The following MOV10L1 variants were observed in gnomAD, a reference collection of about 807,000 sequenced individuals.
MOV10L1 encodes Mov10 like RNA helicase 1, also known as RNA helicase Mov10l1.
Under a neutral mutation model 143.8 loss-of-function variants are expected in MOV10L1, and 110 were observed. The observed-to-expected ratio is 0.76, with a 90% CI of 0.66 to 0.90. The LOEUF (loss-of-function observed/expected upper bound fraction) is 0.90, where lower values mean the gene tolerates loss of function less well. Among genes scored for constraint, MOV10L1 ranks in the 40% least tolerant of loss-of-function variants. The probability of loss-of-function intolerance (pLI) is 0.00; values close to 1 mark genes in which losing one functional copy is unlikely to be tolerated. For missense variants in MOV10L1, 1,406 were observed against 1,526.8 expected, an observed-to-expected ratio of 0.92 and a Z score of 1.32; for synonymous variants, 593 against 581.1, an observed-to-expected ratio of 1.02 and a Z score of -0.29.
chr22:50,100,227 A>G (rs189739396), intron 3 of MOV10L1, among the ~76,000 whole-genome samples: 3 of 152,122 alleles, frequency 2.0e-5, no homozygotes, highest in Admixed American at 1.3e-4. Context: ...TCTTGACCTT[A>G]GGTGATCCAC....
chr22:50,146,879 T>A lies in MOV10L1; in HGVS notation c.2627+1069T>A. 4 of 529,466 alleles carry A rather than the reference T, an allele frequency of 7.6e-6. 1 individual carries two copies. In the South Asian group the frequency reaches 8.4e-5, roughly 11 times the overall value. The allele number at this position is 529,466 out of a possible 1,614,324, so 32.8% of individuals were successfully genotyped here. ...AACGTGATTGATGAGACACTTTACA[T>A]TTTTTTTGGTTCAAGTCTTCAAAAT... is the stretch of plus-strand genomic sequence containing the variant. On this transcript the variant is annotated intron_variant, in intron 19 of 26. Transcript: ENST00000262794.
At chr22:50,130,463 G>T (rs1162131323) in intron 13 of MOV10L1, among the ~76,000 whole-genome samples, 1 of 152,156 alleles carries the variant, frequency 6.6e-6, no homozygotes, top group Non-Finnish European at 1.5e-5. Context: ...GACTACGGGG[G>T]AATGGAGAAA....
At chr22:50,148,562 T>A (rs1161931549) in intron 19 of MOV10L1, among the ~76,000 whole-genome samples, 2 of 152,080 alleles carry the variant, frequency 1.3e-5, no homozygotes, top group Admixed American at 6.5e-5. Context: ...GCCGGACAGG[T>A]ACCCGCCAGG....
Position 50,145,780 on chromosome 22 carries a change from G to A in MOV10L1, c.2597G>A (p.Ser866Asn). Residue 866 changes from serine to asparagine, a missense_variant, in exon 19 of 27, where the codon AGC becomes AAC. By Grantham distance (46) the Ser-to-Asn change is conservative. This residue lies in a region of MOV10L1 where 1,233 missense variants were observed against 1,351.4 expected (regional missense o/e 0.91). Transcript: ENST00000262794. ...RFRIIITTCS[S>N]SGLFYQIGVR... is the part of the protein sequence containing the mutation. ...CGGATAATCATCACCACATGCAGCA[G>A]CTCAGGGCTGTTTTACCAAATAGGA... 1 of 1,614,114 alleles carries A rather than the reference G, an allele frequency of 6.2e-7. No homozygotes were observed. The highest frequency in any genetic ancestry group is 8.5e-7 in the Non-Finnish European group (1 of 1,180,020).
At chr22:50,129,742 G>T (rs2062618867) in intron 13 of MOV10L1, among the ~76,000 whole-genome samples, 1 of 152,194 alleles carries the variant, frequency 6.6e-6, no homozygotes, top group Non-Finnish European at 1.5e-5. Context: ...TGGTAGGTGT[G>T]TAATGCATCT....
intron 19 of MOV10L1, chr22:50,146,872 C>A: frequency 1.7e-6 from 1 of 581,170 alleles, no homozygotes; most frequent in Non-Finnish European, 3.1e-6. Flanking sequence ...TGATGAGACA[C>A]TTTACATTTT....
chr22:50,154,104 G>T (rs1339901134), intron 22 of MOV10L1, among the ~76,000 whole-genome samples: 1 of 152,196 alleles, frequency 6.6e-6, no homozygotes, highest in African/African-American at 2.4e-5. Flanking sequence ...CGGCTGTGAG[G>T]TTCTCACATT....
At chr22:50,136,786 T>A (rs1036949297) in intron 15 of MOV10L1, among the ~76,000 whole-genome samples, 4 of 152,130 alleles carry the variant, frequency 2.6e-5, no homozygotes, top group Non-Finnish European at 4.4e-5. Flanking sequence ...CATTGATCAG[T>A]GCATGATGTG....
chr22:50,104,794 CTTA>C (rs1327471300), intron 3 of MOV10L1, among the ~76,000 whole-genome samples: 4 of 151,612 alleles, frequency 2.6e-5, no homozygotes, highest in Admixed American at 1.3e-4. Flanking sequence ...TGATCTTACT[CTTA>C]TTATTTCTAT....
intron 22 of MOV10L1, among the ~76,000 whole-genome samples, chr22:50,156,629 C>T (rs2147014114): frequency 6.6e-6 from 1 of 152,264 alleles, no homozygotes; most frequent in Non-Finnish European, 1.5e-5. Flanking sequence ...GAGTGTTTGT[C>T]CTTCTGTGAC....
intron 1 of MOV10L1, chr22:50,090,433 C>T (rs760871485): frequency 8.1e-6 from 13 of 1,598,216 alleles, no homozygotes; most frequent in African/African-American, 4.0e-5. Context: ...TTCCCGCCCT[C>T]ACTTTGTGTG....
chr22:50,147,671 G>A (rs73893127), intron 19 of MOV10L1, among the ~76,000 whole-genome samples: 4 of 152,168 alleles, frequency 2.6e-5, no homozygotes, highest in African/African-American at 9.6e-5. Context: ...AGTGGGGAGG[G>A]GCACTTCAAA....
chr22:50,114,275 G>A (rs2080026532), intron 6 of MOV10L1, 106 bp from the exon 7 acceptor site: 2 of 1,326,932 alleles, frequency 1.5e-6, no homozygotes, highest in Admixed American at 2.2e-5. Context: ...ATTCATAAGT[G>A]TATTTGCAGT....
rs1260237595 is a variant in MOV10L1 at position 50,152,101 on chromosome 22, A to G, written c.2893-944A>G. Among the ~76,000 whole-genome samples the G allele has an allele frequency of 1.3e-5, 2 of 152,188 alleles. No homozygotes were observed. Among genetic ancestry groups the G allele is most frequent in the Admixed American group, 6.5e-5 (1 of 15,268 alleles). On this transcript the variant is annotated intron_variant, in intron 21 of 26. Transcript: ENST00000262794. The surrounding 1 kb of genome is among the most constrained non-coding windows in gnomAD (Gnocchi z 4.4). ...AGAGTCGGGAGGACTCACGGGGCCA[A>G]TCATGGCGTTCTCGTGCCAGTGTCA...
At position 50,149,700 on chromosome 22, in the gene MOV10L1, G is replaced by C; in HGVS notation, c.2713G>C (p.Asp905His). 1 of 1,613,722 alleles carries C rather than the reference G, an allele frequency of 6.2e-7. No individual in the cohort carries two copies. Among genetic ancestry groups the C allele is most frequent in the East Asian group, 2.2e-5 (1 of 44,874 alleles). Residue 905 changes from aspartate to histidine, a missense_variant, in exon 20 of 27, where the codon GAC (aspartate) becomes CAC (histidine). By Grantham distance (81) the Asp-to-His change is moderately conservative. Around this residue, in one of 3 missense-constraint regions of MOV10L1, gnomAD observed 1,233 missense variants for 1,351.4 expected, o/e 0.91. Transcript: ENST00000262794. Reference sequence around the variant, plus strand: ...CCTCATTCCTCTGGGGCTGATGTCGGACATCAGTGGCCAGGTAAGTCCCGA... The same window carrying C: ...CCTCATTCCTCTGGGGCTGATGTCGCACATCAGTGGCCAGGTAAGTCCCGA... ...ECLIPLGLMS[D>H]ISGQIVLAGD... is the part of the protein sequence containing the mutation.
chr22:50,141,245 C>T (rs2062976444), intron 15 of MOV10L1, among the ~76,000 whole-genome samples: 1 of 152,070 alleles, frequency 6.6e-6, no homozygotes, highest in Non-Finnish European at 1.5e-5. Flanking sequence ...ACCATGTTGG[C>T]CAGGATGGTC....
intron 19 of MOV10L1, among the ~76,000 whole-genome samples, chr22:50,147,618 T>A (rs2063187229): frequency 6.6e-6 from 1 of 152,040 alleles, no homozygotes; most frequent in Non-Finnish European, 1.5e-5. Context: ...GCAGCCCAGC[T>A]GCAGAGGCCC....
chr22:50,148,663 CTTTTTTTTT>C (rs66866727), intron 19 of MOV10L1, among the ~76,000 whole-genome samples: 2 of 140,008 alleles, frequency 1.4e-5, no homozygotes, highest in African/African-American at 5.3e-5. Flanking sequence ...TTCTTTTTTT[CTTTTTTTTT>C]TTTTTTTATG....
chr22:50,100,503 TTTTCTTTC>T (rs910816356), intron 3 of MOV10L1, among the ~76,000 whole-genome samples: 1 of 151,948 alleles, frequency 6.6e-6, no homozygotes, highest in Non-Finnish European at 1.5e-5. Flanking sequence ...TATATATCCT[TTTTCTTTC>T]TTTCTTTCTT....
Sources: gnomAD v4.1 joint callset for allele counts (sites outside exome capture counted in the v4.1 genomes callset) on GRCh38, gnomAD v4.1.1 for gene constraint, gnomAD v4.1.1 regional missense constraint, Gnocchi (gnomAD v3.1) non-coding constraint, MANE v1.5 for transcripts, NCBI Gene and HGNC (gene_info 2026-07-23, HGNC 2026-07-21) for gene names.